VPS53: variants seen among roughly 807,000 people sequenced by gnomAD.
VPS53 encodes VPS53 subunit of GARP complex.
VPS53 carries 70 observed loss-of-function variants against 107.0 expected under a neutral mutation model. The ratio of observed to expected loss-of-function variants is 0.65; its 90% CI spans 0.54 to 0.80. The LOEUF is 0.80. VPS53 is among the 30% of genes least tolerant of loss of function. The pLI is 0.00. For missense variants in VPS53, 917 were observed against 1,049.4 expected, an observed-to-expected ratio of 0.87 and a Z score of 1.74; for synonymous variants, 409 against 393.3, an observed-to-expected ratio of 1.04 and a Z score of -0.47.
chr17:625,180 G>A (rs1322456471), intron 10 of VPS53, among the ~76,000 whole-genome samples: 1 of 151,768 alleles, frequency 6.6e-6, no homozygotes, highest in Middle Eastern at 3.4e-3. Flanking sequence ...GTAGAGATGG[G>A]GTTTTGCCAT....
At chr17:585,931 T>C (rs1209963205) in intron 13 of VPS53, among the ~76,000 whole-genome samples, 1 of 152,096 alleles carries the variant, frequency 6.6e-6, no homozygotes, top group Non-Finnish European at 1.5e-5. Context: ...TGAAAACATA[T>C]ATATTAGAGA....
chr17:650,518 A>G (rs1212396186), intron 7 of VPS53, among the ~76,000 whole-genome samples: 1 of 152,100 alleles, frequency 6.6e-6, no homozygotes, highest in Non-Finnish European at 1.5e-5. Context: ...ACAAAACACT[A>G]ATCTTACTAG....
chr17:662,808 A>AG (rs1379871545), intron 4 of VPS53, among the ~76,000 whole-genome samples: 35 of 151,132 alleles, frequency 2.3e-4, no homozygotes, highest in Middle Eastern at 6.8e-3. Flanking sequence ...AAAGAAAGAA[A>AG]AAAAGAAAGA....
At chr17:689,816 G>A (rs1972717545) in intron 4 of VPS53, among the ~76,000 whole-genome samples, 1 of 152,096 alleles carries the variant, frequency 6.6e-6, no homozygotes, top group African/African-American at 2.4e-5. Flanking sequence ...TGCTAATTTT[G>A]AGGAAGAAAA....
intron 19 of VPS53, 108 bp from the exon 20 acceptor site, chr17:521,846 G>T: frequency 8.0e-7 from 1 of 1,246,362 alleles, no homozygotes; most frequent in Non-Finnish European, 1.0e-6. Flanking sequence ...ACACATTCTT[G>T]TTGCAAAAAA....
chr17:593,225 T>A (rs1263786957), intron 12 of VPS53, among the ~76,000 whole-genome samples: 1 of 151,884 alleles, frequency 6.6e-6, no homozygotes, highest in Admixed American at 6.6e-5. Flanking sequence ...AACCTAGGCA[T>A]TACCATTCAG....
chr17:596,924 G>C lies in VPS53; in HGVS notation c.1218+4871C>G, dbSNP rs1027228533. ...AAAAGGTTACTGTTGTCACAGTGAG[G>C]AGGTCTGCAGCTGGTCCCACTTCCT... On this transcript the variant is annotated intron_variant, in intron 12 of 21. Coordinates refer to ENST00000437048, the MANE Select transcript of VPS53 (RefSeq NM_001128159.3). Among the ~76,000 whole-genome samples, 17 of 152,330 alleles carry C rather than the reference G, an allele frequency of 1.1e-4. No homozygotes were observed. The East Asian group carries it at 3.1e-3, about 28-fold the overall frequency.
At chr17:530,882 G>A (rs1017157684) in intron 19 of VPS53, among the ~76,000 whole-genome samples, 1 of 152,144 alleles carries the variant, frequency 6.6e-6, no homozygotes, top group African/African-American at 2.4e-5. Flanking sequence ...AGAGAACAAA[G>A]AGCAGAAAAA....
chr17:548,547 ACTCCACTTT>A (rs1911489557), intron 17 of VPS53, among the ~76,000 whole-genome samples: 1 of 109,028 alleles, frequency 9.2e-6, no homozygotes, highest in Non-Finnish European at 1.9e-5. Context: ...CAACGACTAC[ACTCCACTTT>A]GGCCAGCCAA....
intron 1 of VPS53, among the ~76,000 whole-genome samples, chr17:710,869 C>T (rs1288786359): frequency 6.6e-6 from 1 of 150,998 alleles, no homozygotes; most frequent in Admixed American, 6.6e-5. Flanking sequence ...TGCTTGAACC[C>T]GGGAGGCGGA....
At chr17:642,681 T>C (rs1382625960) in intron 7 of VPS53, among the ~76,000 whole-genome samples, 6 of 150,478 alleles carry the variant, frequency 4.0e-5, no homozygotes, top group Non-Finnish European at 7.4e-5. Context: ...ACACTCATAC[T>C]TGGCAACCGA....
rs1232610043 is a variant in VPS53, at chr17:628,124, C to G, written c.795G>C (p.Leu265=). The G allele has an allele frequency of 1.2e-6, 2 of 1,613,848 alleles. No homozygotes were observed. The highest frequency in any genetic ancestry group is 1.7e-5 in the Admixed American group (1 of 59,966). ...CTTGAAAAAGTACCAGATACTCTGA[C>G]AGATGCTGTTTAATAAACTTTTTGA... The part of the protein sequence containing the change: ...EIIKKFIKQH[L]SEYLVLFQEN... Residue 265 remains leucine (L), a synonymous_variant, in exon 9 of 22, where the codon CTG becomes CTC. Coordinates refer to ENST00000437048, the MANE Select transcript of VPS53 (RefSeq NM_001128159.3).
At chr17:669,014 C>A (rs1971821897) in intron 4 of VPS53, among the ~76,000 whole-genome samples, 1 of 152,064 alleles carries the variant, frequency 6.6e-6, no homozygotes, top group Admixed American at 6.6e-5. Flanking sequence ...TAATAAGGTA[C>A]TGAAGTTGGG....
chr17:558,410 G>A lies in VPS53; in HGVS notation c.1704+2016C>T, dbSNP rs537795462. On this transcript the variant is annotated intron_variant, in intron 15 of 21. Coordinates refer to ENST00000437048, the MANE Select transcript of VPS53 (RefSeq NM_001128159.3). ...GCACTTTGGGAGGCCAAGACGGGCAGATCACAAGATCAGGAGATCGAGACT... is the reference window on the plus strand; with the variant it reads ...GCACTTTGGGAGGCCAAGACGGGCAAATCACAAGATCAGGAGATCGAGACT... 1.1e-3 allele frequency among the ~76,000 whole-genome samples: 170 copies of A among 152,278 alleles called. 1 individual carries two copies. Among genetic ancestry groups the A allele is most frequent in the Non-Finnish European group, 1.4e-3 (95 of 68,018 alleles).
intron 20 of VPS53, 81 bp downstream of exon 20, chr17:521,520 C>T: frequency 1.4e-6 from 2 of 1,437,602 alleles, no homozygotes; most frequent in Non-Finnish European, 1.9e-6. Flanking sequence ...AGGATAGGAC[C>T]TACCCTGTGC....
At chr17:544,029 G>C (rs1221051024) in intron 17 of VPS53, among the ~76,000 whole-genome samples, 1 of 107,910 alleles carries the variant, frequency 9.3e-6, no homozygotes, top group African/African-American at 6.9e-5. Flanking sequence ...AAGGCAGGGA[G>C]GGAGGGAGGG....
chr17:557,801 A>G (rs1162351265), intron 15 of VPS53, among the ~76,000 whole-genome samples: 2 of 152,130 alleles, frequency 1.3e-5, no homozygotes, highest in Non-Finnish European at 2.9e-5. Context: ...CTAGAAAACT[A>G]ATGCAAAACA....
chr17:543,986 A>AGAGG (rs1158735564), intron 17 of VPS53, among the ~76,000 whole-genome samples: 4 of 65,392 alleles, frequency 6.1e-5, no homozygotes, highest in African/African-American at 2.6e-4. Context: ...AGGAACGGAG[A>AGAGG]GAGGGAGGAA....
chr17:573,704 G>C (rs1446768375), intron 13 of VPS53, among the ~76,000 whole-genome samples: 1 of 152,172 alleles, frequency 6.6e-6, no homozygotes, highest in Admixed American at 6.5e-5. Flanking sequence ...GTGTAGAGGG[G>C]CTAGCTAGGA....
Sources: gnomAD v4.1 joint callset for allele counts (sites outside exome capture counted in the v4.1 genomes callset) on GRCh38, gnomAD v4.1.1 for gene constraint, MANE v1.5 for transcripts, NCBI Gene and HGNC (gene_info 2026-07-23, HGNC 2026-07-21) for gene names.